Variants in HEPHL1 observed in about 807,000 individuals in gnomAD.
The protein encoded by HEPHL1 is ferroxidase HEPHL1.
HEPHL1 carries 123 observed loss-of-function variants against 122.0 expected under a neutral mutation model. That is an observed-to-expected ratio of 1.01 (90% confidence interval 0.87 to 1.17). The LOEUF (loss-of-function observed/expected upper bound fraction) is 1.17, where lower values mean the gene tolerates loss of function less well. Among genes scored for constraint, HEPHL1 ranks in the 50% most tolerant of loss-of-function variants. The probability of loss-of-function intolerance (pLI) is 0.00; values close to 1 mark genes in which losing one functional copy is unlikely to be tolerated. For missense variants in HEPHL1, 1,452 were observed against 1,430.5 expected (o/e 1.01, Z -0.24); for synonymous variants, 527 against 508.9 (o/e 1.04, Z -0.48).
rs1945724212 is a variant in HEPHL1, at chr11:94,036,445, G to T, written c.171-9228G>T. Among the ~76,000 whole-genome samples, 8 of 152,276 alleles carry T rather than the reference G, an allele frequency of 5.3e-5. No homozygotes were observed. The South Asian group carries it at 1.7e-3, about 32-fold the overall frequency. On this transcript the variant is annotated intron_variant, in intron 1 of 19. Coordinates refer to ENST00000315765, the MANE Select transcript of HEPHL1 (RefSeq NM_001098672.2). ...CTGAGAGGGGTGAGGGATGGGAAGA[G>T]TTGGTGCAGGACACTCTAGAGGAAT...
At chr11:94,079,860 G>T (rs1946154540) in intron 9 of HEPHL1, among the ~76,000 whole-genome samples, 2 of 152,168 alleles carry the variant, frequency 1.3e-5, no homozygotes, top group Admixed American at 1.3e-4. Flanking sequence ...AAGGTGGCTT[G>T]GGTGGGGAGC....
At chr11:94,051,581 C>CTATGGATTG (rs1945890787) in intron 2 of HEPHL1, among the ~76,000 whole-genome samples, 1 of 152,058 alleles carries the variant, frequency 6.6e-6, no homozygotes, top group Admixed American at 6.6e-5. Flanking sequence ...TTCTCCCATT[C>CTATGGATTG]TATGGATTGT....
chr11:94,106,126 T>C lies in HEPHL1; in HGVS notation c.3041T>C (p.Phe1014Ser), dbSNP rs374193457. ...TIHYHAESFLFKIDKSYREDV... is the reference protein window; with the variant it reads ...TIHYHAESFLSKIDKSYREDV... The stretch of plus-strand genomic sequence containing the variant: ...CATTATCATGCTGAGAGCTTTCTTT[T>C]CAAAGTAAGTATAAGGAAAGTGCTT... The change falls in exon 17 of 20, where the codon TTC becomes TCC. Residue 1014 changes from phenylalanine to serine, a missense_variant. Phe to Ser is a radical substitution (Grantham distance 155). Transcript: ENST00000315765. 6.4e-7 allele frequency: 1 copy of C among 1,555,098 alleles called. No homozygotes were observed. The highest frequency in any genetic ancestry group is 2.3e-5 in the East Asian group (1 of 43,876).
chr11:94,082,509 G>A lies in HEPHL1; in HGVS notation c.1808G>A (p.Trp603Ter), dbSNP rs2134439472. The A allele has an allele frequency of 6.2e-7, 1 of 1,613,390 alleles. No individual in the cohort carries two copies. Reference sequence around the variant, plus strand: ...GATGAAAACATTCAGAAGTTTATCTGGCATCCCTTCAGCATTGACAAAGAA... The same window carrying A: ...GATGAAAACATTCAGAAGTTTATCTAGCATCCCTTCAGCATTGACAAAGAA... ...YFDENIQKFI[W>*]HPFSIDKEDK... Residue 603 changes from tryptophan to a stop codon, truncating the protein, a stop_gained, in exon 10 of 20, where the codon TGG becomes TAG. Coordinates refer to ENST00000315765, the MANE Select transcript of HEPHL1 (RefSeq NM_001098672.2). LOFTEE classifies it high-confidence loss of function.
chr11:94,035,893 C>G (rs926666393), intron 1 of HEPHL1, among the ~76,000 whole-genome samples: 16 of 152,146 alleles, frequency 1.1e-4, no homozygotes, highest in African/African-American at 3.6e-4. Flanking sequence ...CCCGTTACCA[C>G]GCCCGGCTAA....
At chr11:94,029,624 G>A (rs1354154460) in intron 1 of HEPHL1, among the ~76,000 whole-genome samples, 1 of 152,222 alleles carries the variant, frequency 6.6e-6, no homozygotes, top group Non-Finnish European at 1.5e-5. Flanking sequence ...AAATGATTCT[G>A]ATGCAAGTGG....
At position 94,064,464 on chromosome 11, in the gene HEPHL1, A is replaced by G; in HGVS notation, c.762A>G (p.Ser254=). Residue 254 remains serine (S), a synonymous_variant, in exon 4 of 20, where the codon TCA becomes TCG. Coordinates refer to ENST00000315765, the MANE Select transcript of HEPHL1 (RefSeq NM_001098672.2). ...NIKHFCTNPD[S]VDKKDAVFQR... ...AACATTTCTGCACCAACCCTGATTC[A>G]GTTGACAAGAAAGATGCTGTTTTCC... is the stretch of plus-strand genomic sequence containing the variant. The G allele has an allele frequency of 6.2e-7, 1 of 1,613,284 alleles. No homozygotes were observed. Among genetic ancestry groups the G allele is most frequent in the Non-Finnish European group, 8.5e-7 (1 of 1,179,394 alleles).
intron 13 of HEPHL1, among the ~76,000 whole-genome samples, chr11:94,095,478 G>C (rs1370483997): frequency 1.3e-5 from 2 of 152,168 alleles, no homozygotes; most frequent in African/African-American, 2.4e-5. Context: ...GGCAATGTGG[G>C]CTCTTTTTTG....
intron 1 of HEPHL1, among the ~76,000 whole-genome samples, chr11:94,031,271 A>G (rs1008703018): frequency 2.6e-5 from 4 of 151,754 alleles, no homozygotes; most frequent in Non-Finnish European, 5.9e-5. Flanking sequence ...TGGAGGCTAC[A>G]CTTTGTTTCC....
intron 8 of HEPHL1, among the ~76,000 whole-genome samples, chr11:94,074,359 A>T (rs541703052): frequency 7.2e-5 from 11 of 152,116 alleles, no homozygotes; most frequent in Non-Finnish European, 1.6e-4. Context: ...CTCTTGAGGG[A>T]ATTCAAGATT....
At chr11:94,064,557 A>G (rs766772426) in intron 4 of HEPHL1, 47 bp downstream of exon 4, 4 of 1,300,700 alleles carry the variant, frequency 3.1e-6, no homozygotes, top group Non-Finnish European at 3.3e-6. Context: ...CTTTTATACT[A>G]TAAGGTACTA....
chr11:94,088,058 G>A (rs1171712562), intron 11 of HEPHL1, among the ~76,000 whole-genome samples: 1 of 152,148 alleles, frequency 6.6e-6, no homozygotes, highest in African/African-American at 2.4e-5. Context: ...TTTATGGTGA[G>A]TTAAGAAATA....
chr11:94,054,310 G>C (rs1020395855), intron 2 of HEPHL1, among the ~76,000 whole-genome samples: 1 of 152,166 alleles, frequency 6.6e-6, no homozygotes, highest in African/African-American at 2.4e-5. Context: ...ATTGAGGGTA[G>C]AAAGAAGTCT....
At position 94,095,587 on chromosome 11, in the gene HEPHL1, A is replaced by G. The variant is rs191078162; in HGVS notation, c.2434+1947A>G. Among the ~76,000 whole-genome samples the G allele has an allele frequency of 7.5e-4, 114 of 152,116 alleles. 1 individual carries two copies. The highest frequency in any genetic ancestry group is 2.4e-3 in the African/African-American group (101 of 41,492). On this transcript the variant is annotated intron_variant, in intron 13 of 19. Coordinates refer to ENST00000315765, the MANE Select transcript of HEPHL1 (RefSeq NM_001098672.2). The stretch of plus-strand genomic sequence containing the variant: ...TTGAATCTATAAATTACCTTGGGCA[A>G]TGGCAGTATGGCCATTGGGAAATGG...
At chr11:94,034,725 A>G (rs1945705768) in intron 1 of HEPHL1, among the ~76,000 whole-genome samples, 2 of 152,188 alleles carry the variant, frequency 1.3e-5, no homozygotes, top group Non-Finnish European at 2.9e-5. Context: ...TAGACAGGCA[A>G]GCAGATGCCA....
intron 1 of HEPHL1, among the ~76,000 whole-genome samples, chr11:94,026,481 T>C (rs1273738201): frequency 6.6e-6 from 1 of 152,200 alleles, no homozygotes; most frequent in Non-Finnish European, 1.5e-5. Flanking sequence ...TTCTCTCCTG[T>C]TTTCCATGAT....
At chr11:94,093,702 T>G (rs1011686099) in intron 13 of HEPHL1, 62 bp downstream of exon 13, 24 of 1,545,872 alleles carry the variant, frequency 1.6e-5, no homozygotes, top group Non-Finnish European at 2.0e-5. Context: ...CACATACTCA[T>G]GTGTTCTGTT....
At chr11:94,035,987 C>G (rs374455979) in intron 1 of HEPHL1, among the ~76,000 whole-genome samples, 2 of 152,182 alleles carry the variant, frequency 1.3e-5, no homozygotes, top group Non-Finnish European at 2.9e-5. Context: ...CCGCCCGCCT[C>G]GGCCTCCCAA....
chr11:94,067,745 T>G lies in HEPHL1; in HGVS notation c.1058T>G (p.Leu353Arg), dbSNP rs768817851. ...WMITCQVSDH[L>R]QAGMLGQYNV... ...ATAACCTGCCAGGTCAGCGACCACC[T>G]ACAAGGTAAAAAGGATAAAGACCAG... is the stretch of plus-strand genomic sequence containing the variant. Residue 353 changes from leucine to arginine, a missense_variant, in exon 5 of 20, where the codon CTA (leucine) becomes CGA (arginine). Coordinates refer to ENST00000315765, the MANE Select transcript of HEPHL1 (RefSeq NM_001098672.2). 1.2e-6 allele frequency: 2 copies of G among 1,613,238 alleles called. No homozygotes were observed. The highest frequency in any genetic ancestry group is 2.2e-5 in the South Asian group (2 of 91,062).
Sources: allele counts gnomAD v4.1 joint callset (sites outside exome capture counted in the v4.1 genomes callset), GRCh38; gene constraint gnomAD v4.1.1; transcripts MANE v1.5; gene names NCBI Gene and HGNC (gene_info 2026-07-23, HGNC 2026-07-21).